Variants in OSBPL10 observed in about 807,000 individuals in gnomAD.
The protein encoded by OSBPL10 is oxysterol binding protein like 10.
OSBPL10 carries 49 observed loss-of-function variants against 81.7 expected under a neutral mutation model. That is an observed-to-expected ratio of 0.60 (90% CI 0.48 to 0.76). The LOEUF (loss-of-function observed/expected upper bound fraction) is 0.76, where lower values mean the gene tolerates loss of function less well. OSBPL10 is among the 30% of genes least tolerant of loss of function. OSBPL10 has a pLI of 0.00. For synonymous variants in OSBPL10, 419 were observed against 383.6 expected, an observed-to-expected ratio of 1.09 and a Z score of -1.08; for missense variants, 923 against 987.8, an observed-to-expected ratio of 0.93 and a Z score of 0.88.
chr3:31,804,431 A>G (rs1699473683), intron 4 of OSBPL10, among the ~76,000 whole-genome samples: 1 of 152,250 alleles, frequency 6.6e-6, no homozygotes, highest in East Asian at 1.9e-4. Flanking sequence ...ACTGACTTAC[A>G]AGTAAGCAAA....
chr3:31,811,150 G>GT (rs1699668455), intron 4 of OSBPL10, among the ~76,000 whole-genome samples: 1 of 151,756 alleles, frequency 6.6e-6, no homozygotes, highest in Non-Finnish European at 1.5e-5. Context: ...CTCAGATGTA[G>GT]CCTGTGGATG....
intron 8 of OSBPL10, among the ~76,000 whole-genome samples, chr3:31,678,482 CT>C (rs1196161747): frequency 1.3e-5 from 2 of 152,230 alleles, no homozygotes; most frequent in African/African-American, 4.8e-5. Flanking sequence ...GGAAAAGTGA[CT>C]GCTATTTGGT....
chr3:31,702,386 T>G lies in OSBPL10; in HGVS notation c.1218A>C (p.Gln406His). The change falls in exon 7 of 12, where the codon CAA becomes CAC. Residue 406 changes from glutamine (Q) to histidine (H), a missense_variant. Transcript: ENST00000396556. Reference protein sequence around the residue: ...QRSIILHLISQLKLGMDLTKV... With the variant: ...QRSIILHLISHLKLGMDLTKV... ...TGGTCAAATCCATTCCAAGTTTGAG[T>G]TGTGAAATGAGATGAAGAATTATAC... 6.2e-7 allele frequency: 1 copy of G among 1,614,100 alleles called. No homozygotes were observed. Among genetic ancestry groups the G allele is most frequent in the Middle Eastern group, 1.6e-4 (1 of 6,062 alleles).
intron 4 of OSBPL10, among the ~76,000 whole-genome samples, chr3:31,785,957 C>G (rs572195857): frequency 2.4e-4 from 36 of 152,296 alleles, no homozygotes; most frequent in Middle Eastern, 3.4e-3. Context: ...TTGCTCATCA[C>G]TGTAGGTAAA....
chr3:31,843,490 C>T (rs1700553434), intron 3 of OSBPL10, among the ~76,000 whole-genome samples: 1 of 152,190 alleles, frequency 6.6e-6, no homozygotes, highest in Non-Finnish European at 1.5e-5. Flanking sequence ...GATGACATTC[C>T]TGCACCCAAG....
chr3:31,848,326 T>C (rs1700683778), intron 3 of OSBPL10, among the ~76,000 whole-genome samples: 1 of 151,574 alleles, frequency 6.6e-6, no homozygotes, highest in African/African-American at 2.4e-5. Flanking sequence ...CACATCTCTC[T>C]TTCCCACTAC....
intron 5 of OSBPL10, among the ~76,000 whole-genome samples, chr3:31,747,532 G>A (rs953722992): frequency 3.4e-5 from 5 of 145,468 alleles, no homozygotes; most frequent in Admixed American, 2.1e-4. Flanking sequence ...GAGTGCAAAC[G>A]TCATGAGTGG....
chr3:31,823,906 C>T (rs1700040567), intron 4 of OSBPL10, among the ~76,000 whole-genome samples: 1 of 151,706 alleles, frequency 6.6e-6, no homozygotes, highest in African/African-American at 2.4e-5. Context: ...GGCTGCAGTG[C>T]AGTGGCATGA....
At chr3:31,662,233 G>A in intron 11 of OSBPL10, 117 bp from the exon 12 acceptor site, 1 of 1,544,724 alleles carries the variant, frequency 6.5e-7, no homozygotes, top group Non-Finnish European at 8.7e-7. Context: ...TCACACGCAG[G>A]CCAGGCTGCT....
chr3:31,758,948 G>A lies in OSBPL10; in HGVS notation c.730-10828C>T, dbSNP rs540724236. 5.7e-4 allele frequency among the ~76,000 whole-genome samples: 87 copies of A among 152,194 alleles called. 1 individual carries two copies. In the East Asian group the frequency reaches 6.8e-3, roughly 12 times the overall value. ...TCAAAATGGTCACCCTACAGGCTGC[G>A]GCCGTTTGTGAGAAATAAAGCTCTC... On this transcript the variant is annotated intron_variant, in intron 4 of 11. Transcript: ENST00000396556.
rs777867661 is a variant in OSBPL10, at chr3:31,664,205, G to T, written c.2124C>A (p.Tyr708Ter). 1 of 1,612,776 alleles carries T rather than the reference G, an allele frequency of 6.2e-7. No individual in the cohort carries two copies. The highest frequency in any genetic ancestry group is 8.5e-7 in the Non-Finnish European group (1 of 1,180,008). The change falls in exon 11 of 12, where the codon TAC (tyrosine) becomes TAA (stop). Residue 708 changes from tyrosine to a stop codon, truncating the protein, a stop_gained. Transcript: ENST00000396556. LOFTEE classifies it high-confidence loss of function. ...SRNLWREVTR[Y>*]LRLGDIDAAT... The stretch of plus-strand genomic sequence containing the variant: ...CTGCGTCAATGTCCCCCAGCCGCAG[G>T]TATCGGGTCACCTCCCGCCAGAGGT...
At chr3:31,835,071 TA>T (rs1242821598) in intron 3 of OSBPL10, among the ~76,000 whole-genome samples, 1 of 152,176 alleles carries the variant, frequency 6.6e-6, no homozygotes, top group Admixed American at 6.5e-5. Flanking sequence ...GAATGGTTGT[TA>T]AGTGGTTCCT....
At chr3:31,993,262 T>C (rs540454041) in intron 2 of OSBPL10, among the ~76,000 whole-genome samples, 1 of 152,004 alleles carries the variant, frequency 6.6e-6, no homozygotes, top group South Asian at 2.1e-4. Flanking sequence ...CAGGCTGGAG[T>C]GCAATGGCAC....
At chr3:31,755,298 T>C (rs7619563) in intron 4 of OSBPL10, among the ~76,000 whole-genome samples, 1 of 152,172 alleles carries the variant, frequency 6.6e-6, no homozygotes, top group Admixed American at 6.5e-5. Context: ...AACGGTATAA[T>C]AGTCTGCTTT....
At chr3:31,676,911 C>T (rs1043083260) in intron 8 of OSBPL10, among the ~76,000 whole-genome samples, 13 of 152,106 alleles carry the variant, frequency 8.5e-5, no homozygotes, top group East Asian at 3.9e-4. Context: ...GCAATAGAAA[C>T]GAGAGGGTGG....
At chr3:31,959,352 A>C (rs796851175) in intron 1 of OSBPL10, among the ~76,000 whole-genome samples, 3 of 152,350 alleles carry the variant, frequency 2.0e-5, no homozygotes, top group African/African-American at 7.2e-5. Context: ...CATAACCTGG[A>C]AAATAAAATA....
intron 1 of OSBPL10, among the ~76,000 whole-genome samples, chr3:31,949,625 C>T (rs986662432): frequency 8.0e-6 from 1 of 125,596 alleles, no homozygotes; most frequent in Non-Finnish European, 1.6e-5. Flanking sequence ...CTGAGATCAC[C>T]TCACTGCACT....
At chr3:31,675,358 T>C (rs182565985) in intron 8 of OSBPL10, among the ~76,000 whole-genome samples, 1 of 152,310 alleles carries the variant, frequency 6.6e-6, no homozygotes, top group Admixed American at 6.5e-5. Context: ...ATGGAGAATA[T>C]GCCACGACTT....
At chr3:31,724,455 G>C (rs370425116) in intron 6 of OSBPL10, among the ~76,000 whole-genome samples, 3 of 151,926 alleles carry the variant, frequency 2.0e-5, no homozygotes, top group African/African-American at 7.3e-5. Context: ...GTCCAGTGTC[G>C]AAACCCATTA....
Sources: allele counts gnomAD v4.1 joint callset (sites outside exome capture counted in the v4.1 genomes callset), GRCh38; gene constraint gnomAD v4.1.1; transcripts MANE v1.5; gene names NCBI Gene and HGNC (gene_info 2026-07-23, HGNC 2026-07-21).